LAMB4: variants seen among roughly 807,000 people sequenced by gnomAD.
The protein encoded by LAMB4 is laminin subunit beta 4, also known as laminin subunit beta-4.
A neutral mutation model predicts 199.2 loss-of-function variants in LAMB4; 196 were observed. The observed-to-expected ratio is 0.98, with a 90% CI of 0.88 to 1.11. LAMB4 has a LOEUF of 1.11. Ranked by LOEUF, LAMB4 falls within the 50% of genes least tolerant of loss-of-function variation. The pLI, the probability that LAMB4 is intolerant of heterozygous loss-of-function variation, is 0.00. For synonymous variants in LAMB4, 744 were observed against 770.6 expected (o/e 0.97, Z 0.57); for missense variants, 2,080 against 2,171.2 (o/e 0.96, Z 0.83).
intron 33 of LAMB4, 140 bp downstream of exon 33, chr7:108,028,903 A>G (rs2034932126): frequency 1.9e-5 from 15 of 776,246 alleles, no homozygotes; most frequent in Non-Finnish European, 2.6e-5. Flanking sequence ...TCCCCAAAAC[A>G]CAAGACCAAT....
At chr7:108,051,418 T>C (rs1319360867) in intron 26 of LAMB4, among the ~76,000 whole-genome samples, 1 of 152,188 alleles carries the variant, frequency 6.6e-6, no homozygotes, top group Non-Finnish European at 1.5e-5. Flanking sequence ...TGTCTCTCAA[T>C]TGGATGGCTT....
the LAMB4 span, among the ~76,000 whole-genome samples, chr7:108,014,665 C>T: frequency 6.6e-6 from 1 of 151,322 alleles, no homozygotes; most frequent in African/African-American, 2.4e-5. Context: ...TGTATGATTG[C>T]TGTATAGAAT....
At chr7:108,089,260 G>A (rs1319023854) in intron 14 of LAMB4, among the ~76,000 whole-genome samples, 1 of 152,142 alleles carries the variant, frequency 6.6e-6, no homozygotes, top group Non-Finnish European at 1.5e-5. Flanking sequence ...TAGGGGCCCA[G>A]CATGACAGAA....
At chr7:108,116,206 C>T (rs1319878014) in intron 2 of LAMB4, 45 bp from the exon 3 acceptor site, 1 of 1,569,908 alleles carries the variant, frequency 6.4e-7, no homozygotes, top group East Asian at 2.3e-5. Flanking sequence ...AGTCTAAGGA[C>T]AGCACAGGGC....
At chr7:108,017,093 C>G in the LAMB4 span, among the ~76,000 whole-genome samples, 1 of 152,142 alleles carries the variant, frequency 6.6e-6, no homozygotes, top group Non-Finnish European at 1.5e-5. Context: ...TATCTCTGCT[C>G]AAAAACTCTG....
the LAMB4 span, among the ~76,000 whole-genome samples, chr7:108,015,558 A>G: frequency 6.6e-6 from 1 of 152,196 alleles, no homozygotes; most frequent in South Asian, 2.1e-4. Flanking sequence ...TTAGTTGTAT[A>G]TCATATACAA....
Position 108,029,168 on chromosome 7 carries a change from G to C in LAMB4, c.5021C>G (p.Ala1674Gly), listed in dbSNP as rs2034943049. 6.2e-7 allele frequency: 1 copy of C among 1,611,926 alleles called. No individual in the cohort carries two copies. Among genetic ancestry groups the C allele is most frequent in the Non-Finnish European group, 8.5e-7 (1 of 1,179,536 alleles). The change falls in exon 33 of 34, where the codon GCT (alanine) becomes GGT (glycine). Residue 1674 changes from alanine to glycine, a missense_variant. Transcript: ENST00000388781. Reference protein sequence around the residue: ...KEFVELKKQYAILQRKTSTTG... With the variant: ...KEFVELKKQYGILQRKTSTTG... ...AGTGCTTGTCTTACGTTGGAGAATA[G>C]CATATTGTTTTTTCAGCTCAACAAA...
At chr7:108,029,278 CA>C in intron 32 of LAMB4, 82 bp from the exon 33 acceptor site, 1 of 1,242,534 alleles carries the variant, frequency 8.0e-7, no homozygotes, top group Non-Finnish European at 1.1e-6. Context: ...TAATTCCATT[CA>C]TAGAAGGAAT....
At chr7:108,038,300 C>T (rs1316938269) in intron 29 of LAMB4, among the ~76,000 whole-genome samples, 1 of 152,072 alleles carries the variant, frequency 6.6e-6, no homozygotes, top group Non-Finnish European at 1.5e-5. Context: ...GCTGGGATTA[C>T]AGGTATGCAC....
chr7:108,052,056 A>C (rs182947815), intron 26 of LAMB4, 41 bp downstream of exon 26: 1 of 1,554,140 alleles, frequency 6.4e-7, no homozygotes, highest in African/African-American at 1.4e-5. Context: ...GATTTCATCA[A>C]ACTTTGTGCA....
chr7:108,019,842 C>T (rs1563021535), downstream of LAMB4, among the ~76,000 whole-genome samples: 1 of 152,270 alleles, frequency 6.6e-6, no homozygotes, highest in Admixed American at 6.5e-5. Context: ...TTGTGCCATG[C>T]CAGTGCTTCT....
At chr7:108,055,196 T>TTTA (rs1211098860) in intron 25 of LAMB4, among the ~76,000 whole-genome samples, 11 of 152,012 alleles carry the variant, frequency 7.2e-5, no homozygotes, top group Non-Finnish European at 1.6e-4. Context: ...TGTTTTTTTT[T>TTTA]TTTTTTTGAG....
At chr7:108,119,421 A>G (rs1290731894) in intron 2 of LAMB4, among the ~76,000 whole-genome samples, 1 of 152,248 alleles carries the variant, frequency 6.6e-6, no homozygotes, top group Non-Finnish European at 1.5e-5. Context: ...AGTGTGGTAC[A>G]TCTGTACCAT....
chr7:108,069,201 T>C (rs374682981), intron 18 of LAMB4, among the ~76,000 whole-genome samples: 1 of 152,200 alleles, frequency 6.6e-6, no homozygotes, highest in African/African-American at 2.4e-5. Context: ...CATTTTTGGA[T>C]GTCACAACTA....
chr7:108,120,235 C>T (rs889862699), intron 2 of LAMB4, among the ~76,000 whole-genome samples: 4 of 152,128 alleles, frequency 2.6e-5, no homozygotes, highest in South Asian at 2.1e-4. Context: ...CATTTAATGG[C>T]TTTCTTTCCT....
chr7:108,019,013 T>C (rs111349980), downstream of LAMB4, among the ~76,000 whole-genome samples: 2,905 of 152,260 alleles, frequency 0.019, 93 homozygotes, highest in African/African-American at 0.066. Context: ...TAGCCGGCTC[T>C]CCATATTCCC....
intron 28 of LAMB4, among the ~76,000 whole-genome samples, chr7:108,044,430 T>G (rs2035543685): frequency 6.6e-6 from 1 of 152,194 alleles, no homozygotes; most frequent in Admixed American, 6.5e-5. Context: ...CCAGACACTT[T>G]GTACTCTTGG....
the LAMB4 span, among the ~76,000 whole-genome samples, chr7:108,018,477 T>G: frequency 6.6e-6 from 1 of 152,288 alleles, no homozygotes; most frequent in African/African-American, 2.4e-5. Context: ...CGGTGTCTCA[T>G]GCCTGTAGTC....
At position 108,068,095 on chromosome 7, in the gene LAMB4, C is replaced by T; in HGVS notation, c.2367G>A (p.Gln789=). The change falls in exon 19 of 34, where the codon CAG becomes CAA. Residue 789 remains glutamine (Q), a synonymous_variant. Coordinates refer to ENST00000388781, the MANE Select transcript of LAMB4 (RefSeq NM_007356.3). ...AGCGCCCGACCACAAGAGGTTTACA[C>T]TGGCACTGGCCTCCAAGTCGGCTGC... is the stretch of plus-strand genomic sequence containing the variant. The part of the protein sequence containing the change: ...SSCSRLGGQC[Q]CKPLVVGRCC... 1 of 1,614,198 alleles carries T rather than the reference C, an allele frequency of 6.2e-7. No homozygotes were observed. The highest frequency in any genetic ancestry group is 8.5e-7 in the Non-Finnish European group (1 of 1,180,036).
Sources: gnomAD v4.1 joint callset for allele counts (sites outside exome capture counted in the v4.1 genomes callset) on GRCh38, gnomAD v4.1.1 for gene constraint, MANE v1.5 for transcripts, NCBI Gene and HGNC (gene_info 2026-07-23, HGNC 2026-07-21) for gene names.